The following LMTK2 variants were observed in gnomAD, a reference collection of about 807,000 sequenced individuals.
LMTK2 encodes serine/threonine-protein kinase LMTK2.
LMTK2 carries 37 observed loss-of-function variants against 127.5 expected under a neutral mutation model. The observed-to-expected ratio is 0.29, with a 90% CI of 0.22 to 0.38. The LOEUF (loss-of-function observed/expected upper bound fraction) is 0.38. Among genes scored for constraint, LMTK2 ranks in the 10% least tolerant of loss-of-function variants. The probability of loss-of-function intolerance (pLI) is 1.00; values close to 1 mark genes in which losing one functional copy is unlikely to be tolerated. For missense variants in LMTK2, 1,694 were observed against 1,920.3 expected, an observed-to-expected ratio of 0.88 and a Z score of 2.20; for synonymous variants, 819 against 810.1, an observed-to-expected ratio of 1.01 and a Z score of -0.19.
chr7:98,179,201 A>G (rs968152869), intron 7 of LMTK2, among the ~76,000 whole-genome samples: 1 of 152,242 alleles, frequency 6.6e-6, no homozygotes, highest in South Asian at 2.1e-4. Flanking sequence ...CAAGTATCCA[A>G]AGACCTACGT....
At chr7:98,126,602 T>C (rs1796447890) in intron 1 of LMTK2, 1 of 152,244 alleles carries the variant, frequency 6.6e-6, no homozygotes, top group African/African-American at 2.4e-5. Flanking sequence ...CGACATTCTT[T>C]TGGCCACACC....
At chr7:98,183,409 AT>A (rs1205072953) in intron 7 of LMTK2, among the ~76,000 whole-genome samples, 3 of 151,828 alleles carry the variant, frequency 2.0e-5, no homozygotes, top group African/African-American at 4.8e-5. Context: ...ATTTATTTTT[AT>A]TTTTTATTTT....
Position 98,209,536 on chromosome 7 carries a change from A to G in LMTK2, c.*4044A>G, listed in dbSNP as rs1405571406. The G allele has an allele frequency of 1.8e-4, 27 of 152,190 alleles. No homozygotes were observed. Among genetic ancestry groups the G allele is most frequent in the Admixed American group, 1.4e-3 (22 of 15,296 alleles). The allele number at this position is 152,190 out of a possible 1,614,324, so 9.4% of individuals were successfully genotyped here. ...ATTGTGTACATTTTTAAATTGTAAG[A>G]TTTTTACTGTATATTGATGCATAGT... On this transcript the variant is annotated 3_prime_UTR_variant, in exon 14 of 14. Transcript: ENST00000297293.
chr7:98,123,963 C>T (rs1796406793), intron 1 of LMTK2, among the ~76,000 whole-genome samples: 1 of 152,080 alleles, frequency 6.6e-6, no homozygotes, highest in African/African-American at 2.4e-5. Context: ...AGCCTCTTTC[C>T]TCTCATGAGT....
chr7:98,207,797 T>A lies in LMTK2; in HGVS notation c.*2305T>A, dbSNP rs1049419304. 1 of 152,188 alleles carries A rather than the reference T, an allele frequency of 6.6e-6. No homozygotes were observed. The highest frequency in any genetic ancestry group is 2.4e-5 in the African/African-American group (1 of 41,448). The allele number at this position is 152,188 out of a possible 1,614,324, so 9.4% of individuals were successfully genotyped here. A position where few individuals can be genotyped will look rare whatever the true frequency, so the allele number is the denominator to read the frequency against. ...GGGGCTGTCAGTTTTCCACTAGGAT[T>A]AAGATTTTGGCCGGGCGCGGTGGCT... On this transcript the variant is annotated 3_prime_UTR_variant, in exon 14 of 14. Coordinates refer to ENST00000297293, the MANE Select transcript of LMTK2 (RefSeq NM_014916.4).
Position 98,194,221 on chromosome 7 carries a change from G to A in LMTK2, c.3756G>A (p.Glu1252=), listed in dbSNP as rs766620247. Residue 1252 remains glutamate, a synonymous_variant, in exon 11 of 14, where the codon GAG becomes GAA. Coordinates refer to ENST00000297293, the MANE Select transcript of LMTK2 (RefSeq NM_014916.4). This position sits in a 1 kb window ranked among gnomAD's most constrained non-coding sequence, Gnocchi z 5.4. ...ACAAGTCCCTGTCCAGCCACTCCGA[G>A]GGCCCGAAGTTGAAGGAGCCGGACA... ...ALDKSLSSHS[E]GPKLKEPDIE... 4.3e-6 allele frequency: 7 copies of A among 1,614,036 alleles called. No individual in the cohort carries two copies. The highest frequency in any genetic ancestry group is 1.6e-4 in the Middle Eastern group (1 of 6,084).
At chr7:98,170,374 C>G (rs1179068029) in intron 6 of LMTK2, among the ~76,000 whole-genome samples, 1 of 152,142 alleles carries the variant, frequency 6.6e-6, no homozygotes, top group Admixed American at 6.5e-5. Flanking sequence ...GAAGTTACCT[C>G]AGAATGTACT....
At chr7:98,142,184 G>A (rs976095013) in intron 3 of LMTK2, among the ~76,000 whole-genome samples, 1 of 152,128 alleles carries the variant, frequency 6.6e-6, no homozygotes, top group African/African-American at 2.4e-5. Context: ...GGTTCAAGAA[G>A]TAGGGTTTTC....
At chr7:98,153,023 GC>G (rs1796879143) in intron 4 of LMTK2, among the ~76,000 whole-genome samples, 1 of 152,170 alleles carries the variant, frequency 6.6e-6, no homozygotes, top group Non-Finnish European at 1.5e-5. Flanking sequence ...GAATGGAGTT[GC>G]TGTCAACTGA....
intron 1 of LMTK2, among the ~76,000 whole-genome samples, chr7:98,115,233 G>A (rs145498377): frequency 0.012 from 1,847 of 151,970 alleles, 17 homozygotes; most frequent in Admixed American, 0.02. Context: ...TGGACAACAC[G>A]GAGAAACCCC....
At position 98,204,094 on chromosome 7, in the gene LMTK2, A is replaced by G; in HGVS notation, c.4391A>G (p.His1464Arg). The G allele has an allele frequency of 6.2e-7, 1 of 1,613,186 alleles. No homozygotes were observed. Among genetic ancestry groups the G allele is most frequent in the South Asian group, 1.1e-5 (1 of 91,040 alleles). The part of the protein sequence containing the change: ...PARSTEQSWP[H>R]SAPYSRFSIS... ...CGGAGCACGGAGCAGAGCTGGCCGC[A>G]CTCGGCGCCTTACTCCCGGTTCTCC... The change falls in exon 13 of 14, where the codon CAC becomes CGC. Residue 1464 changes from histidine to arginine, a missense_variant. By Grantham distance (29) the His-to-Arg change is conservative. Around this residue, in one of 8 missense-constraint regions of LMTK2, gnomAD observed 554 missense variants for 567.7 expected, o/e 0.98. Coordinates refer to ENST00000297293, the MANE Select transcript of LMTK2 (RefSeq NM_014916.4).
At chr7:98,187,098 T>A in intron 9 of LMTK2, 100 bp downstream of exon 9, 1 of 1,111,546 alleles carries the variant, frequency 9.0e-7, no homozygotes, top group Non-Finnish European at 1.3e-6. Flanking sequence ...GTATAAGATG[T>A]AGGAACAAAA....
At position 98,193,149 on chromosome 7, in the gene LMTK2, G is replaced by A. The variant is rs1043448973; in HGVS notation, c.2684G>A (p.Arg895Gln). The A allele has an allele frequency of 6.2e-6, 10 of 1,613,392 alleles. No homozygotes were observed. Among genetic ancestry groups the A allele is most frequent in the East Asian group, 4.5e-5 (2 of 44,888 alleles). Residue 895 changes from arginine (R) to glutamine (Q), a missense_variant, in exon 11 of 14, where the codon CGA becomes CAA. Coordinates refer to ENST00000297293, the MANE Select transcript of LMTK2 (RefSeq NM_014916.4). This position sits in a 1 kb window ranked among gnomAD's most constrained non-coding sequence, Gnocchi z 4.1. Reference protein sequence around the residue: ...DSPGESEETLRLTESDSVLAD... With the variant: ...DSPGESEETLQLTESDSVLAD... ...CCTGGCGAGAGTGAGGAGACCCTGC[G>A]ACTCACCGAAAGTGACTCTGTTCTT...
intron 1 of LMTK2, chr7:98,126,527 G>A (rs1221520851): frequency 1.3e-5 from 2 of 152,302 alleles, no homozygotes; most frequent in Non-Finnish European, 2.9e-5. Flanking sequence ...TCCAGTTCCG[G>A]AATATCCAGC....
intron 3 of LMTK2, among the ~76,000 whole-genome samples, chr7:98,147,873 CCAT>C (rs2116380890): frequency 6.6e-6 from 1 of 152,258 alleles, no homozygotes; most frequent in East Asian, 1.9e-4. Flanking sequence ...GGTTCTTTGT[CCAT>C]CATTTCCTTT....
chr7:98,191,782 C>T lies in LMTK2; in HGVS notation c.1317C>T (p.Ser439=). 6.2e-7 allele frequency: 1 copy of T among 1,614,168 alleles called. No homozygotes were observed. Among genetic ancestry groups the T allele is most frequent in the African/African-American group, 1.3e-5 (1 of 75,038 alleles). The part of the protein sequence containing the change: ...LKPNTNSRDS[S]NNAAFPILDH... ...CGAACACAAACAGCAGAGACTCCTCCAACAATGCTGCATTCCCAATTCTCG... is the reference window on the plus strand; with the variant it reads ...CGAACACAAACAGCAGAGACTCCTCTAACAATGCTGCATTCCCAATTCTCG... Residue 439 remains serine, a synonymous_variant, in exon 11 of 14, where the codon TCC becomes TCT. Transcript: ENST00000297293.
In LMTK2 at chr7:98,192,058, G is replaced by A. The variant is rs909110783; in HGVS notation, c.1593G>A (p.Leu531=). 6.3e-7 allele frequency: 1 copy of A among 1,598,152 alleles called. No individual in the cohort carries two copies. Among genetic ancestry groups the A allele is most frequent in the Admixed American group, 1.7e-5 (1 of 59,048 alleles). The change falls in exon 11 of 14, where the codon CTG becomes CTA. Residue 531 remains leucine, a synonymous_variant. Coordinates refer to ENST00000297293, the MANE Select transcript of LMTK2 (RefSeq NM_014916.4). ...KQDDSGQDVP[L]RVPGVVPVFD... ...ATGACAGCGGCCAGGATGTCCCCCT[G>A]AGGGTCCCTGGAGTGGTTCCTGTTT...
chr7:98,153,737 A>C (rs1328353994), intron 4 of LMTK2, among the ~76,000 whole-genome samples: 2 of 152,026 alleles, frequency 1.3e-5, no homozygotes, highest in Admixed American at 6.6e-5. Flanking sequence ...GGGATGGCAC[A>C]CGCCTGTGGT....
At chr7:98,182,701 A>G (rs1449354614) in intron 7 of LMTK2, among the ~76,000 whole-genome samples, 1 of 152,236 alleles carries the variant, frequency 6.6e-6, no homozygotes, top group Non-Finnish European at 1.5e-5. Flanking sequence ...TGAAAATAGA[A>G]TTTCCATGTG....
Sources: gnomAD v4.1 joint callset for allele counts (sites outside exome capture counted in the v4.1 genomes callset) on GRCh38, gnomAD v4.1.1 for gene constraint, gnomAD v4.1.1 regional missense constraint, Gnocchi (gnomAD v3.1) non-coding constraint, MANE v1.5 for transcripts, NCBI Gene and HGNC (gene_info 2026-07-23, HGNC 2026-07-21) for gene names.